The following PBX1 variants were observed in gnomAD, a reference collection of about 807,000 sequenced individuals.
PBX1 encodes pre-B-cell leukemia transcription factor 1.
PBX1 carries 6 observed loss-of-function variants against 53.4 expected under a neutral mutation model. The ratio of observed to expected loss-of-function variants is 0.11; its 90% CI spans 0.06 to 0.22. The LOEUF (loss-of-function observed/expected upper bound fraction) is 0.22. PBX1 is among the 10% of genes least tolerant of loss of function. PBX1 has a pLI of 1.00. For missense variants in PBX1, 251 were observed against 551.4 expected (o/e 0.46, Z 5.46); for synonymous variants, 204 against 212.3 (o/e 0.96, Z 0.34).
chr1:164,701,910 G>T (rs1663144477), intron 2 of PBX1, among the ~76,000 whole-genome samples: 1 of 152,044 alleles, frequency 6.6e-6, no homozygotes, highest in South Asian at 2.1e-4. Flanking sequence ...CAACCTTTTG[G>T]TCTATATTAA....
intron 2 of PBX1, among the ~76,000 whole-genome samples, chr1:164,588,681 GA>G (rs931644111): frequency 5.3e-5 from 8 of 151,364 alleles, no homozygotes; most frequent in East Asian, 3.9e-4. Flanking sequence ...GGTTTAGGGG[GA>G]AAAAAAATAA....
At chr1:164,701,673 A>G (rs1221309726) in intron 2 of PBX1, among the ~76,000 whole-genome samples, 1 of 152,332 alleles carries the variant, frequency 6.6e-6, no homozygotes, top group East Asian at 1.9e-4. Context: ...ATAACTCACT[A>G]CTATTCAAGA....
At chr1:164,749,945 A>C (rs1666106033) in intron 2 of PBX1, among the ~76,000 whole-genome samples, 1 of 152,106 alleles carries the variant, frequency 6.6e-6, no homozygotes, top group African/African-American at 2.4e-5. Flanking sequence ...ACAAAAATAA[A>C]GTAAATTAGC....
At chr1:164,585,595 A>G (rs1187317043) in intron 2 of PBX1, among the ~76,000 whole-genome samples, 3 of 152,088 alleles carry the variant, frequency 2.0e-5, no homozygotes, top group Non-Finnish European at 4.4e-5. Flanking sequence ...TGTCCTGAAC[A>G]TTTCTTTTGG....
intron 2 of PBX1, among the ~76,000 whole-genome samples, chr1:164,610,085 TTTG>T (rs1245375500): frequency 6.6e-6 from 1 of 152,124 alleles, no homozygotes; most frequent in African/African-American, 2.4e-5. Flanking sequence ...CGCGTCTCCT[TTTG>T]TTCTGTCAGG....
At chr1:164,824,132 G>A (rs548078251) in intron 8 of PBX1, among the ~76,000 whole-genome samples, 3 of 152,250 alleles carry the variant, frequency 2.0e-5, no homozygotes, top group Non-Finnish European at 2.9e-5. Flanking sequence ...TGTTTGATTC[G>A]GTGGAGGACA....
intron 2 of PBX1, among the ~76,000 whole-genome samples, chr1:164,622,254 C>T (rs1657729506): frequency 6.6e-6 from 1 of 151,938 alleles, no homozygotes; most frequent in Non-Finnish European, 1.5e-5. Context: ...TCTTGTGAAG[C>T]TGTTCCAAGG....
At chr1:164,762,991 A>G (rs957337942) in intron 2 of PBX1, among the ~76,000 whole-genome samples, 3 of 152,214 alleles carry the variant, frequency 2.0e-5, no homozygotes, top group Admixed American at 1.3e-4. Context: ...CTTTTCATGT[A>G]TATTATCTCG....
intron 2 of PBX1, among the ~76,000 whole-genome samples, chr1:164,714,629 A>C (rs1313903308): frequency 6.6e-6 from 1 of 152,264 alleles, no homozygotes; most frequent in Non-Finnish European, 1.5e-5. Context: ...ATATTCCTTT[A>C]GGTGGGACTT....
In PBX1 at chr1:164,632,374, C is replaced by A. The variant is rs986698167; in HGVS notation, c.265+69063C>A. ...CCATTTTCCCAAGGAATTAAAGTCG[C>A]AGATATTTTGATTTCAGGGGAGGGT... is the stretch of plus-strand genomic sequence containing the variant. On this transcript the variant is annotated intron_variant, in intron 2 of 8. Transcript: ENST00000420696. 6.6e-5 allele frequency among the ~76,000 whole-genome samples: 10 copies of A among 152,222 alleles called. No individual in the cohort carries two copies. In the South Asian group the frequency reaches 2.1e-3, roughly 32 times the overall value.
chr1:164,586,019 AAG>A, intron 2 of PBX1, among the ~76,000 whole-genome samples: 1 of 152,338 alleles, frequency 6.6e-6, no homozygotes, highest in Non-Finnish European at 1.5e-5. Context: ...CTTAGTAAAA[AAG>A]AGAGAAGAAC....
At chr1:164,701,639 G>A (rs560390329) in intron 2 of PBX1, among the ~76,000 whole-genome samples, 5 of 152,292 alleles carry the variant, frequency 3.3e-5, no homozygotes, top group African/African-American at 1.2e-4. Flanking sequence ...TGTGGTGATG[G>A]TCTAGTTACT....
At chr1:164,602,268 T>A (rs532332373) in intron 2 of PBX1, among the ~76,000 whole-genome samples, 1 of 152,288 alleles carries the variant, frequency 6.6e-6, no homozygotes, top group Non-Finnish European at 1.5e-5. Context: ...AAAGGCTTGC[T>A]GAAATTGCTA....
chr1:164,685,924 A>G (rs950402146), intron 2 of PBX1, among the ~76,000 whole-genome samples: 1 of 152,184 alleles, frequency 6.6e-6, no homozygotes, highest in Non-Finnish European at 1.5e-5. Flanking sequence ...GCTGGAGAAC[A>G]TTAGGTGCCT....
chr1:164,576,409 C>T (rs574585589), intron 2 of PBX1, among the ~76,000 whole-genome samples: 1 of 152,318 alleles, frequency 6.6e-6, no homozygotes, highest in South Asian at 2.1e-4. Flanking sequence ...GGCGCGGCGC[C>T]GCGTCGCACC....
chr1:164,852,459 A>G (rs1671879749), downstream of PBX1, among the ~76,000 whole-genome samples: 1 of 152,170 alleles, frequency 6.6e-6, no homozygotes, highest in South Asian at 2.1e-4. Flanking sequence ...CCAGTGTTCT[A>G]GCTGGAACAC....
intron 4 of PBX1, among the ~76,000 whole-genome samples, chr1:164,801,497 C>T (rs531009969): frequency 1.4e-5 from 2 of 148,096 alleles, no homozygotes; most frequent in East Asian, 3.9e-4. Context: ...TCTTTCTTTT[C>T]AAGAAAGTAA....
chr1:164,877,399 A>G (rs1201915903), intron 2 of PBX1, among the ~76,000 whole-genome samples: 1 of 152,192 alleles, frequency 6.6e-6, no homozygotes, highest in Non-Finnish European at 1.5e-5. Context: ...ACAGTGGCTC[A>G]CGCCTGTAAT....
intron 2 of PBX1, among the ~76,000 whole-genome samples, chr1:164,612,620 A>AT (rs372208665): frequency 2.1e-4 from 31 of 149,340 alleles, no homozygotes; most frequent in South Asian, 4.3e-4. Flanking sequence ...TTGTATTTAC[A>AT]TTTTTTTTTT....
Sources: gnomAD v4.1 joint callset for allele counts (sites outside exome capture counted in the v4.1 genomes callset) on GRCh38, gnomAD v4.1.1 for gene constraint, MANE v1.5 for transcripts, NCBI Gene and HGNC (gene_info 2026-07-23, HGNC 2026-07-21) for gene names.